Variants in TRPC4AP observed in about 807,000 individuals in gnomAD.
The protein encoded by TRPC4AP is short transient receptor potential channel 4-associated protein.
TRPC4AP carries 45 observed loss-of-function variants against 99.0 expected under a neutral mutation model. The observed-to-expected ratio is 0.45, with a 90% confidence interval of 0.36 to 0.58. The LOEUF (loss-of-function observed/expected upper bound fraction) is 0.58, where lower values mean the gene tolerates loss of function less well. Ranked by LOEUF, TRPC4AP falls within the 20% of genes least tolerant of loss-of-function variation. The pLI is 0.00. For missense variants in TRPC4AP, 879 were observed against 985.3 expected (o/e 0.89, Z 1.44); for synonymous variants, 408 against 385.8 (o/e 1.06, Z -0.67).
At chr20:35,092,048 G>A (rs2085082610) in intron 1 of TRPC4AP, among the ~76,000 whole-genome samples, 1 of 152,114 alleles carries the variant, frequency 6.6e-6, no homozygotes, top group South Asian at 2.1e-4. Flanking sequence ...GGAGACGGGC[G>A]AGAAAAAGGC....
intron 13 of TRPC4AP, among the ~76,000 whole-genome samples, chr20:35,008,211 C>T (rs974657458): frequency 9.9e-5 from 15 of 152,220 alleles, no homozygotes; most frequent in Non-Finnish European, 1.8e-4. Flanking sequence ...TACCTGTCCA[C>T]TGACTTCAAG....
At chr20:35,051,127 C>CT (rs1347666749) in intron 5 of TRPC4AP, among the ~76,000 whole-genome samples, 3 of 151,560 alleles carry the variant, frequency 2.0e-5, no homozygotes, top group African/African-American at 7.3e-5. Context: ...TTTAATATTT[C>CT]TTTTTTTTAG....
intron 1 of TRPC4AP, among the ~76,000 whole-genome samples, chr20:35,089,149 G>A (rs1378261235): frequency 1.3e-5 from 2 of 151,504 alleles, no homozygotes; most frequent in South Asian, 2.1e-4. Flanking sequence ...GATTACAGGT[G>A]TAAGCCACCA....
At chr20:35,016,203 G>T in intron 9 of TRPC4AP, 64 bp from the exon 10 acceptor site, 1 of 1,585,792 alleles carries the variant, frequency 6.3e-7, no homozygotes, top group Non-Finnish European at 8.7e-7. Flanking sequence ...GCAAAACCTC[G>T]TGCTCAGTAC....
intron 9 of TRPC4AP, among the ~76,000 whole-genome samples, chr20:35,019,206 C>A (rs746562922): frequency 6.6e-6 from 1 of 152,150 alleles, no homozygotes; most frequent in Non-Finnish European, 1.5e-5. Flanking sequence ...CAGATCCTCA[C>A]GGTGCCCGGC....
intron 6 of TRPC4AP, among the ~76,000 whole-genome samples, chr20:35,048,394 G>A (rs1241505218): frequency 1.3e-5 from 2 of 151,698 alleles, no homozygotes; most frequent in Non-Finnish European, 2.9e-5. Flanking sequence ...GTATTTTTTA[G>A]TACAAAATGA....
intron 7 of TRPC4AP, among the ~76,000 whole-genome samples, chr20:35,035,531 G>A (rs1227698679): frequency 1.3e-5 from 2 of 152,156 alleles, no homozygotes; most frequent in Non-Finnish European, 2.9e-5. Context: ...TATCTACTGG[G>A]AATATAAATT....
intron 9 of TRPC4AP, among the ~76,000 whole-genome samples, chr20:35,019,505 C>T (rs188153510): frequency 5.3e-5 from 8 of 152,208 alleles, no homozygotes; most frequent in Admixed American, 5.2e-4. Flanking sequence ...CAGTTTATGC[C>T]CTGGCTTTCT....
chr20:35,012,762 T>C (rs2082665885), intron 11 of TRPC4AP, among the ~76,000 whole-genome samples: 1 of 152,198 alleles, frequency 6.6e-6, no homozygotes, highest in Non-Finnish European at 1.5e-5. Context: ...GGCCAACGAC[T>C]TCCATACTCA....
rs541626179 is a variant in TRPC4AP, at chr20:35,044,697, C to A, written c.673G>T (p.Asp225Tyr). ...AAGGAACTCAGATTGGGGACTTCAT[C>A]TAGTCGGATCATTTCCTACAGAAGA... ...LGVKKEMIRL[D>Y]EVPNLSSLVS... The change falls in exon 7 of 19, where the codon GAT (aspartate) becomes TAT (tyrosine). Residue 225 changes from aspartate to tyrosine, a missense_variant. Physicochemically the swap from Asp to Tyr is radical, Grantham distance 160 (BLOSUM62 -3). Coordinates refer to ENST00000252015, the MANE Select transcript of TRPC4AP (RefSeq NM_015638.3). 15 of 1,614,160 alleles carry A rather than the reference C, an allele frequency of 9.3e-6. No individual in the cohort carries two copies. Among genetic ancestry groups the A allele is most frequent in the Non-Finnish European group, 1.3e-5 (15 of 1,179,996 alleles).
chr20:35,003,151 C>A lies in TRPC4AP; in HGVS notation c.2389G>T (p.Glu797Ter), dbSNP rs991647581. 4.4e-5 allele frequency: 71 copies of A among 1,614,036 alleles called. No individual in the cohort carries two copies. The highest frequency in any genetic ancestry group is 5.9e-5 in the Non-Finnish European group (70 of 1,180,014). ...TCCCGAGGCCTGGCCCAAGGTCACT[C>A]CTCAGTGAAGTCCCTGTCTATGTCC... The part of the protein sequence containing the change: ...YMDIDRDFTE[E>*] The change falls in exon 19 of 19, where the codon GAG (glutamate) becomes TAG (stop). Residue 797 changes from glutamate (E) to a stop codon, truncating the protein, a stop_gained. Transcript: ENST00000252015. LOFTEE classifies it high-confidence loss of function.
intron 1 of TRPC4AP, among the ~76,000 whole-genome samples, chr20:35,081,966 C>T (rs2084658706): frequency 6.6e-6 from 1 of 152,100 alleles, no homozygotes; most frequent in Non-Finnish European, 1.5e-5. Flanking sequence ...GCCTGGGTGA[C>T]AGAGTGAGAC....
intron 8 of TRPC4AP, among the ~76,000 whole-genome samples, chr20:35,033,485 T>C (rs1453287965): frequency 6.6e-6 from 1 of 152,184 alleles, no homozygotes; most frequent in East Asian, 1.9e-4. Flanking sequence ...CATCCAGCTG[T>C]TAGGCTCTAC....
chr20:35,084,724 A>G lies in TRPC4AP; in HGVS notation c.169-6550T>C, dbSNP rs568628250. On this transcript the variant is annotated intron_variant, in intron 1 of 18. Transcript: ENST00000252015. ...TATATGTATATATGTTTATATGCAT[A>G]TATGTGTATATGTATATATGTTTAT... Among the ~76,000 whole-genome samples the G allele has an allele frequency of 1.3e-4, 15 of 114,634 alleles. 1 individual carries two copies. The highest frequency in any genetic ancestry group is 4.1e-4 in the African/African-American group (13 of 31,422). The allele number at this position is 114,634 out of a possible 152,430, so 75.2% of individuals were successfully genotyped here.
At chr20:35,047,144 T>C (rs2083577419) in intron 6 of TRPC4AP, among the ~76,000 whole-genome samples, 1 of 152,122 alleles carries the variant, frequency 6.6e-6, no homozygotes, top group Admixed American at 6.5e-5. Context: ...ATTACAGGCA[T>C]GAGAGCCACT....
Position 35,006,555 on chromosome 20 carries a change from C to T in TRPC4AP, c.1707G>A (p.Val569=). ...CATCCCTTGACTTACACTCGCTGTC[C>T]ACAATGCAGTAAAGGATGTGCTGGG... ...GLLEHILYCI[V]DSECKSRDVL... The change falls in exon 15 of 19, where the codon GTG becomes GTA. Residue 569 remains valine (V), a synonymous_variant. Transcript: ENST00000252015. 6.2e-7 allele frequency: 1 copy of T among 1,614,170 alleles called. No individual in the cohort carries two copies. The highest frequency in any genetic ancestry group is 8.5e-7 in the Non-Finnish European group (1 of 1,180,026).
intron 6 of TRPC4AP, among the ~76,000 whole-genome samples, chr20:35,047,642 C>T (rs75227887): frequency 2.0e-5 from 3 of 152,150 alleles, no homozygotes; most frequent in African/African-American, 4.8e-5. Context: ...TAGCTATCAC[C>T]AAGAACGACC....
At chr20:35,007,724 G>A (rs1909083721) in intron 13 of TRPC4AP, 84 bp from the exon 14 acceptor site, 2 of 1,416,486 alleles carry the variant, frequency 1.4e-6, no homozygotes, top group Non-Finnish European at 2.0e-6. Flanking sequence ...GGAGATGTTT[G>A]TTGCCTTTTC....
At chr20:35,027,676 A>G (rs567355361) in intron 8 of TRPC4AP, among the ~76,000 whole-genome samples, 10 of 152,152 alleles carry the variant, frequency 6.6e-5, no homozygotes, top group Non-Finnish European at 1.5e-4. Context: ...GCAGTTTTTC[A>G]TTATTTATTC....
Sources: gnomAD v4.1 joint callset for allele counts (sites outside exome capture counted in the v4.1 genomes callset) on GRCh38, gnomAD v4.1.1 for gene constraint, MANE v1.5 for transcripts, NCBI Gene and HGNC (gene_info 2026-07-23, HGNC 2026-07-21) for gene names.